Variants in CYLC1 observed in about 807,000 individuals in gnomAD.
CYLC1 encodes cylicin 1.
In CYLC1, 2 loss-of-function variants were observed where a neutral mutation model predicts 31.6. That is an observed-to-expected ratio of 0.06 (90% CI 0.03 to 0.20). CYLC1 has a LOEUF of 0.20. CYLC1 is among the 10% of genes least tolerant of loss of function. The pLI, the probability that CYLC1 is intolerant of heterozygous loss-of-function variation, is 1.00. For synonymous variants in CYLC1, 185 were observed against 153.0 expected (o/e 1.21, Z -1.54); for missense variants, 595 against 424.1 (o/e 1.40, Z -3.54).
At position 83,871,467 on chromosome X, in the gene CYLC1, G is replaced by T; in HGVS notation, c.74G>T (p.Arg25Ile). The change falls in exon 3 of 5, where the codon AGA (arginine) becomes ATA (isoleucine). Residue 25 changes from arginine to isoleucine, a missense_variant. By Grantham distance (97) the Arg-to-Ile change is moderately conservative. Coordinates refer to ENST00000329312, the MANE Select transcript of CYLC1 (RefSeq NM_021118.3). ...TCTCATTTAGTCAGTGAATCAAGCA[G>T]AAAATCATGGAATCAAAAACACTTT... ...DNSIPISESS[R>I]KSWNQKHFAL... is the part of the protein sequence containing the mutation. 1 of 1,199,200 alleles carries T rather than the reference G, an allele frequency of 8.3e-7. No individual in the cohort carries two copies. Among genetic ancestry groups the T allele is most frequent in the Non-Finnish European group, 1.1e-6 (1 of 887,979 alleles).
At chrX:83,871,313 A>G in intron 2 of CYLC1, 139 bp from the exon 3 acceptor site, 2 of 353,380 alleles carry the variant, frequency 5.7e-6, no homozygotes, top group South Asian at 1.6e-4. Context: ...CAAATAAACT[A>G]GGAACTCTGA....
chrX:83,877,140 T>C (rs930649885), intron 4 of CYLC1, among the ~76,000 whole-genome samples: 1 of 111,198 alleles, frequency 9.0e-6, no homozygotes, highest in African/African-American at 3.3e-5. Flanking sequence ...AGCCTGGACA[T>C]AATCTCCTTC....
intron 4 of CYLC1, among the ~76,000 whole-genome samples, chrX:83,884,456 G>C (rs748177270): frequency 9.0e-6 from 1 of 110,746 alleles, no homozygotes; most frequent in South Asian, 3.8e-4. Context: ...ATTTGTCTTT[G>C]TTTTTATTTC....
chrX:83,874,696 T>TTA lies in CYLC1; in HGVS notation c.1923+65_1923+66insTA. 3 of 1,031,465 alleles carry TTA rather than the reference T, an allele frequency of 2.9e-6. No homozygotes were observed. In the South Asian group the frequency reaches 8.2e-5, roughly 28 times the overall value. 85.0% of individuals were successfully genotyped at this position (1,031,465 alleles called of 1,213,427 possible). A position where few individuals can be genotyped will look rare whatever the true frequency, so the allele number is the denominator to read the frequency against. ...ATAAAATGAAAGACTTTTTAAAGTT[T>TTA]GAATTTATGTTTTCTCCAAATAATA... On this transcript the variant is annotated intron_variant, in intron 4 of 4. Transcript: ENST00000329312.
At chrX:83,864,853 C>G in intron 1 of CYLC1, 2 of 223,479 alleles carry the variant, frequency 8.9e-6, no homozygotes, top group Non-Finnish European at 1.6e-5. Flanking sequence ...GGTTTTCCTT[C>G]TATCATATTA....
At chrX:83,872,718 TACACACACAC>T (rs61531587) in intron 3 of CYLC1, among the ~76,000 whole-genome samples, 158 bp from the exon 4 acceptor site, 24 of 92,043 alleles carry the variant, frequency 2.6e-4, no homozygotes, top group South Asian at 5.8e-4. Flanking sequence ...GTCTCTCTCT[TACACACACAC>T]ACACACACAC....
At chrX:83,871,087 G>GA (rs146040502) in intron 2 of CYLC1, among the ~76,000 whole-genome samples, 36,101 of 104,794 alleles carry the variant, frequency 0.34, 5,598 homozygotes, top group Non-Finnish European at 0.47. Flanking sequence ...GTGACATAAA[G>GA]AAAAAAAAAC....
At chrX:83,871,929 C>T (rs748958133) in intron 3 of CYLC1, among the ~76,000 whole-genome samples, 11 of 110,793 alleles carry the variant, frequency 9.9e-5, no homozygotes, top group East Asian at 2.8e-4. Flanking sequence ...AATTCAGAGA[C>T]GATATTAAGA....
chrX:83,871,111 T>A (rs1341939077), intron 2 of CYLC1, among the ~76,000 whole-genome samples: 1 of 110,131 alleles, frequency 9.1e-6, no homozygotes, highest in Non-Finnish European at 1.9e-5. Context: ...ATAGACGAGA[T>A]GATGTAGATA....
chrX:83,873,266 A>G lies in CYLC1; in HGVS notation c.558A>G (p.Gln186=), dbSNP rs765815434. The G allele has an allele frequency of 1.4e-5, 17 of 1,199,013 alleles. No individual in the cohort carries two copies. In the South Asian group the frequency reaches 2.6e-4, roughly 18 times the overall value. Residue 186 remains glutamine, a synonymous_variant, in exon 4 of 5, where the codon CAA becomes CAG. Transcript: ENST00000329312. ...GTTCAGAAACTAATCCAGAATCCCAAAATTCTAAGACAGTCTCAAAAAATT... is the reference window on the plus strand; with the variant it reads ...GTTCAGAAACTAATCCAGAATCCCAGAATTCTAAGACAGTCTCAAAAAATT... The part of the protein sequence containing the change: ...KSSSETNPES[Q]NSKTVSKNCS...
chrX:83,883,757 C>T (rs188886327), intron 4 of CYLC1, among the ~76,000 whole-genome samples: 127 of 111,744 alleles, frequency 1.1e-3, no homozygotes, highest in African/African-American at 3.9e-3. Context: ...AGAAAGTGGG[C>T]ACTCAATATT....
At chrX:83,878,137 A>T (rs1430944056) in intron 4 of CYLC1, among the ~76,000 whole-genome samples, 2 of 49,309 alleles carry the variant, frequency 4.1e-5, no homozygotes, top group East Asian at 7.5e-4. Context: ...TATATATATA[A>T]AAATATATAT....
At chrX:83,877,907 T>TATTTATATTTATATAC (rs1354901359) in intron 4 of CYLC1, among the ~76,000 whole-genome samples, 1 of 21,265 alleles carries the variant, frequency 4.7e-5, no homozygotes, top group East Asian at 1.5e-3. Context: ...CAAATATATA[T>TATTTATATTTATATAC]AAATATATAT....
At chrX:83,865,005 T>C (rs2031573110) in intron 1 of CYLC1, among the ~76,000 whole-genome samples, 1 of 111,228 alleles carries the variant, frequency 9.0e-6, no homozygotes, top group Admixed American at 9.7e-5. Flanking sequence ...ATTCCAATGA[T>C]TTTATATGCC....
intron 4 of CYLC1, among the ~76,000 whole-genome samples, chrX:83,880,231 C>T (rs901464869): frequency 4.5e-5 from 5 of 111,533 alleles, no homozygotes; most frequent in South Asian, 3.7e-4. Flanking sequence ...TAATCAAATA[C>T]GTCTATAATT....
At chrX:83,877,282 A>G (rs73513437) in intron 4 of CYLC1, among the ~76,000 whole-genome samples, 5,172 of 110,935 alleles carry the variant, frequency 0.047, 277 homozygotes, top group African/African-American at 0.16. Flanking sequence ...AGTCATCACC[A>G]TCATTAGCAT....
At chrX:83,878,685 C>G (rs1311815479) in intron 4 of CYLC1, among the ~76,000 whole-genome samples, 2 of 101,203 alleles carry the variant, frequency 2.0e-5, no homozygotes, top group African/African-American at 7.2e-5. Flanking sequence ...CATTTTTCCT[C>G]TAGATATGTC....
intron 4 of CYLC1, among the ~76,000 whole-genome samples, chrX:83,883,023 G>A (rs762096145): frequency 2.8e-3 from 308 of 110,762 alleles, no homozygotes; most frequent in African/African-American, 9.5e-3. Flanking sequence ...AGGTGTGAAA[G>A]GGTTTTATAA....
chrX:83,861,896 C>T (rs2031512736), intron 1 of CYLC1, among the ~76,000 whole-genome samples: 2 of 110,410 alleles, frequency 1.8e-5, no homozygotes, highest in Admixed American at 1.9e-4. Flanking sequence ...ACTATTTTGA[C>T]CTACAAAAAT....
Sources: gnomAD v4.1 joint callset for allele counts (sites outside exome capture counted in the v4.1 genomes callset) on GRCh38, gnomAD v4.1.1 for gene constraint, MANE v1.5 for transcripts, NCBI Gene and HGNC (gene_info 2026-07-23, HGNC 2026-07-21) for gene names.